ACSL1: variants seen among roughly 807,000 people sequenced by gnomAD.
The protein encoded by ACSL1 is long-chain-fatty-acid--CoA ligase 1.
ACSL1 carries 41 observed loss-of-function variants against 98.4 expected under a neutral mutation model. The ratio of observed to expected loss-of-function variants is 0.42; its 90% confidence interval spans 0.32 to 0.54. The LOEUF (loss-of-function observed/expected upper bound fraction) is 0.54. ACSL1 is among the 20% of genes least tolerant of loss of function. ACSL1 has a pLI of 0.13. For synonymous variants in ACSL1, 316 were observed against 322.7 expected (o/e 0.98, Z 0.22); for missense variants, 734 against 883.1 (o/e 0.83, Z 2.14).
At chr4:184,792,689 T>C (rs1768607417) in intron 2 of ACSL1, among the ~76,000 whole-genome samples, 2 of 152,194 alleles carry the variant, frequency 1.3e-5, no homozygotes, top group Admixed American at 1.3e-4. Context: ...TCCTTCCGCC[T>C]AGGCCTCCCA....
chr4:184,819,571 A>G (rs911600102), intron 1 of ACSL1, among the ~76,000 whole-genome samples: 3 of 152,136 alleles, frequency 2.0e-5, no homozygotes, highest in East Asian at 3.8e-4. Flanking sequence ...TCAGTCAGGC[A>G]GATGACAGCA....
intron 3 of ACSL1, 35 bp from the exon 4 acceptor site, chr4:184,784,026 C>T (rs371932759): frequency 1.7e-4 from 262 of 1,539,688 alleles, no homozygotes; most frequent in East Asian, 6.3e-4. Context: ...ATGGGCTGAA[C>T]GTACATAAAT....
chr4:184,815,728 T>C (rs1303835176), intron 1 of ACSL1, among the ~76,000 whole-genome samples: 1 of 152,146 alleles, frequency 6.6e-6, no homozygotes, highest in Non-Finnish European at 1.5e-5. Flanking sequence ...AAGACCTCTC[T>C]GCCCAGGGAG....
At chr4:184,782,827 G>C (rs1428304290) in intron 4 of ACSL1, among the ~76,000 whole-genome samples, 2 of 152,112 alleles carry the variant, frequency 1.3e-5, no homozygotes, top group Non-Finnish European at 2.9e-5. Context: ...CCCAGAGGAC[G>C]GACGGGGAGA....
intron 7 of ACSL1, among the ~76,000 whole-genome samples, chr4:184,776,093 A>G (rs1765243547): frequency 6.6e-6 from 1 of 152,226 alleles, no homozygotes; most frequent in Non-Finnish European, 1.5e-5. Flanking sequence ...AAGAACGATG[A>G]GGCTGATTTC....
chr4:184,778,313 C>G (rs1453091380), intron 5 of ACSL1, among the ~76,000 whole-genome samples: 1 of 152,224 alleles, frequency 6.6e-6, no homozygotes, highest in African/African-American at 2.4e-5. Context: ...ATCCACTTGG[C>G]CTGGAACTAG....
chr4:184,814,833 A>G (rs1579966586), intron 1 of ACSL1, among the ~76,000 whole-genome samples: 1 of 152,036 alleles, frequency 6.6e-6, no homozygotes, highest in African/African-American at 2.4e-5. Context: ...CCCACGCTGG[A>G]CCCGGCTCAG....
Position 184,780,348 on chromosome 4 carries a change from G to C in ACSL1, c.461C>G (p.Ala154Gly), listed in dbSNP as rs753965539. Residue 154 changes from alanine (A) to glycine (G), a missense_variant, in exon 5 of 21, where the codon GCT (alanine) becomes GGT (glycine). By Grantham distance (60) the Ala-to-Gly change is moderately conservative (BLOSUM62 0). Transcript: ENST00000281455. ...TAPDQFIGIF[A>G]QNRPEWVIIE... Reference sequence around the variant, plus strand: ...GGTTCATACCTCAGGTCTATTTTGAGCAAAGATGCCAATGAACTGATCTGG... The same window carrying C: ...GGTTCATACCTCAGGTCTATTTTGACCAAAGATGCCAATGAACTGATCTGG... The C allele has an allele frequency of 6.2e-7, 1 of 1,613,718 alleles. No individual in the cohort carries two copies. Among genetic ancestry groups the C allele is most frequent in the Non-Finnish European group, 8.5e-7 (1 of 1,179,892 alleles).
rs1762277837 is a variant in ACSL1, at chr4:184,757,577, A to G, written c.1956+58T>C. ...TATGTTTATATAATCTACCTGTAAAAAAATCTTAATGGAAAATTTGTTTTA... is the reference window on the plus strand; with the variant it reads ...TATGTTTATATAATCTACCTGTAAAGAAATCTTAATGGAAAATTTGTTTTA... On this transcript the variant is annotated intron_variant, in intron 20 of 20. Coordinates refer to ENST00000281455, the MANE Select transcript of ACSL1 (RefSeq NM_001995.5). This position sits in a 1 kb window ranked among gnomAD's most constrained non-coding sequence, Gnocchi z 4.5. 1 of 1,524,954 alleles carries G rather than the reference A, an allele frequency of 6.6e-7. No individual in the cohort carries two copies. Among genetic ancestry groups the G allele is most frequent in the South Asian group, 1.2e-5 (1 of 84,932 alleles). The allele number at this position is 1,524,954 out of a possible 1,614,324, so 94.5% of individuals were successfully genotyped here.
chr4:184,769,070 A>AATATATATAT (rs34360556), intron 11 of ACSL1, among the ~76,000 whole-genome samples: 541 of 147,694 alleles, frequency 3.7e-3, no homozygotes, highest in Middle Eastern at 6.9e-3. Flanking sequence ...CTCTGTCTCA[A>AATATATATAT]ATATATATAT....
At chr4:184,817,262 C>A (rs901865914) in intron 1 of ACSL1, among the ~76,000 whole-genome samples, 1 of 152,124 alleles carries the variant, frequency 6.6e-6, no homozygotes, top group Non-Finnish European at 1.5e-5. Context: ...AAGGAGTTAA[C>A]TTTCTGGTTC....
At chr4:184,777,464 T>G (rs1198077274) in intron 5 of ACSL1, among the ~76,000 whole-genome samples, 1 of 145,914 alleles carries the variant, frequency 6.9e-6, no homozygotes. Context: ...TATGTATGTA[T>G]GTATGCATGT....
At chr4:184,763,851 G>A (rs1039076020) in intron 15 of ACSL1, among the ~76,000 whole-genome samples, 7 of 152,184 alleles carry the variant, frequency 4.6e-5, no homozygotes, top group African/African-American at 1.7e-4. Flanking sequence ...CATTAGATAT[G>A]TTAGATATCA....
intron 1 of ACSL1, among the ~76,000 whole-genome samples, chr4:184,823,020 A>G (rs1773189605): frequency 6.6e-6 from 1 of 152,222 alleles, no homozygotes; most frequent in African/African-American, 2.4e-5. Flanking sequence ...AGCCCCTTGA[A>G]GTACCAACAT....
At chr4:184,795,121 T>C (rs746916244) in intron 2 of ACSL1, among the ~76,000 whole-genome samples, 2 of 152,214 alleles carry the variant, frequency 1.3e-5, no homozygotes, top group Non-Finnish European at 2.9e-5. Context: ...GAAATTTACA[T>C]GCCAACCATT....
At chr4:184,786,120 G>A (rs763204584) in intron 3 of ACSL1, among the ~76,000 whole-genome samples, 14 of 152,112 alleles carry the variant, frequency 9.2e-5, no homozygotes, top group East Asian at 3.8e-4. Flanking sequence ...GGCTCCAGCC[G>A]CCCACGACCC....
rs367626895 is a variant in ACSL1, at chr4:184,776,977, T to G, written c.484A>C (p.Ile162Leu). 1 of 1,613,980 alleles carries G rather than the reference T, an allele frequency of 6.2e-7. No homozygotes were observed. Among genetic ancestry groups the G allele is most frequent in the Admixed American group, 1.7e-5 (1 of 60,008 alleles). Residue 162 changes from isoleucine to leucine, a missense_variant, in exon 6 of 21, where the codon ATT (isoleucine) becomes CTT (leucine). By Grantham distance (5) the Ile-to-Leu change is conservative. Coordinates refer to ENST00000281455, the MANE Select transcript of ACSL1 (RefSeq NM_001995.5). ...TAAGCAAAGCATCCTTGTTCAATAA[T>G]CACCCACTAAACAAACAGTAAAGGT... ...IFAQNRPEWV[I>L]IEQGCFAYSM...
intron 1 of ACSL1, among the ~76,000 whole-genome samples, chr4:184,817,907 C>A (rs1005947750): frequency 6.6e-6 from 1 of 152,154 alleles, no homozygotes; most frequent in Non-Finnish European, 1.5e-5. Flanking sequence ...AAGCTTCAGC[C>A]CTGACCCCAA....
intron 3 of ACSL1, among the ~76,000 whole-genome samples, chr4:184,787,548 A>T (rs1767598755): frequency 6.6e-6 from 1 of 152,142 alleles, no homozygotes; most frequent in Non-Finnish European, 1.5e-5. Context: ...CTGGGGGTAG[A>T]AAGAGGCTTT....
Sources: gnomAD v4.1 joint callset for allele counts (sites outside exome capture counted in the v4.1 genomes callset) on GRCh38, gnomAD v4.1.1 for gene constraint, Gnocchi (gnomAD v3.1) non-coding constraint, MANE v1.5 for transcripts, NCBI Gene and HGNC (gene_info 2026-07-23, HGNC 2026-07-21) for gene names.